Variants in C2CD5 observed in about 807,000 individuals in gnomAD.
C2CD5 encodes C2 domain-containing protein 5.
A neutral mutation model predicts 130.3 loss-of-function variants in C2CD5; 109 were observed. The ratio of observed to expected loss-of-function variants is 0.84; its 90% CI spans 0.72 to 0.98. The LOEUF is 0.98. Among genes scored for constraint, C2CD5 ranks in the 50% least tolerant of loss-of-function variants. The pLI, the probability that C2CD5 is intolerant of heterozygous loss-of-function variation, is 0.00. For missense variants in C2CD5, 996 were observed against 1,261.8 expected (o/e 0.79, Z 3.19); for synonymous variants, 454 against 429.2 (o/e 1.06, Z -0.71).
chr12:22,518,252 C>A, intron 7 of C2CD5, 115 bp from the exon 8 acceptor site: 1 of 955,338 alleles, frequency 1.0e-6, no homozygotes, highest in Non-Finnish European at 1.7e-6. Flanking sequence ...TCATTTCTTA[C>A]GTGTGGAGCT....
At chr12:22,538,219 C>T (rs1377321454) in intron 2 of C2CD5, among the ~76,000 whole-genome samples, 1 of 152,170 alleles carries the variant, frequency 6.6e-6, no homozygotes, top group Non-Finnish European at 1.5e-5. Flanking sequence ...GCATAAGCCA[C>T]ATTCATCTCT....
intron 2 of C2CD5, among the ~76,000 whole-genome samples, chr12:22,536,366 A>T (rs1395799376): frequency 6.6e-6 from 1 of 152,214 alleles, no homozygotes; most frequent in South Asian, 2.1e-4. Context: ...AAAATTCAAA[A>T]ACATCAAAAA....
At chr12:22,484,098 C>A (rs1945119197) in intron 13 of C2CD5, among the ~76,000 whole-genome samples, 1 of 152,028 alleles carries the variant, frequency 6.6e-6, no homozygotes, top group Non-Finnish European at 1.5e-5. Context: ...GAAGATTATA[C>A]ATAAAGGTAG....
At chr12:22,453,245 C>T (rs1939086600) in intron 26 of C2CD5, among the ~76,000 whole-genome samples, 1 of 152,114 alleles carries the variant, frequency 6.6e-6, no homozygotes. Context: ...CAGCCACATA[C>T]AGCTTCATGC....
At chr12:22,473,425 G>A (rs1455179099) in intron 16 of C2CD5, among the ~76,000 whole-genome samples, 1 of 151,996 alleles carries the variant, frequency 6.6e-6, no homozygotes, top group East Asian at 1.9e-4. Flanking sequence ...TCCACTTCAC[G>A]TGGCTACCCA....
In C2CD5 at chr12:22,482,751, G is replaced by A; in HGVS notation, c.1551-8C>T. 3 of 1,607,912 alleles carry A rather than the reference G, an allele frequency of 1.9e-6. No homozygotes were observed. The highest frequency in any genetic ancestry group is 2.6e-6 in the Non-Finnish European group (3 of 1,175,302). ...TTTTTTAAGCGACATAACCTGTAAA[G>A]GAAAATAAGTCAGTGAACAGTATTC... On this transcript the variant is annotated splice_polypyrimidine_tract_variant and splice_region_variant and intron_variant, in intron 13 of 26. Transcript: ENST00000446597.
chr12:22,497,907 TACACAC>T (rs3063916), intron 10 of C2CD5, among the ~76,000 whole-genome samples: 3,588 of 145,710 alleles, frequency 0.025, 131 homozygotes, highest in African/African-American at 0.077. Context: ...TGCACACACA[TACACAC>T]ACACACACAC....
In C2CD5 at chr12:22,535,345, C is replaced by A; in HGVS notation, c.91-1G>T. 6.7e-7 allele frequency: 1 copy of A among 1,501,604 alleles called. No individual in the cohort carries two copies. 93.0% of individuals were successfully genotyped at this position (1,501,604 alleles called of 1,614,324 possible). A position where few individuals can be genotyped will look rare whatever the true frequency, so the allele number is the denominator to read the frequency against. ...TAAAGGTGGTATTACCAAATTTTAC[C>A]TAAAAACAAATAAGAAATTATTCAC... On this transcript the variant is annotated splice_acceptor_variant, in intron 2 of 26. Transcript: ENST00000446597. LOFTEE classifies it high-confidence loss of function.
At chr12:22,472,497 T>C in intron 17 of C2CD5, 150 bp from the exon 18 acceptor site, 2 of 616,586 alleles carry the variant, frequency 3.2e-6, no homozygotes, top group South Asian at 2.2e-5. Context: ...CTTTAAACCA[T>C]CCTAATAAAT....
At chr12:22,496,834 T>C (rs1473159062) in intron 10 of C2CD5, among the ~76,000 whole-genome samples, 1 of 152,018 alleles carries the variant, frequency 6.6e-6, no homozygotes, top group African/African-American at 2.4e-5. Context: ...AAATCAATCC[T>C]CACTGATGTC....
At chr12:22,535,699 T>C (rs1951755700) in intron 2 of C2CD5, among the ~76,000 whole-genome samples, 4 of 152,254 alleles carry the variant, frequency 2.6e-5, no homozygotes, top group Non-Finnish European at 4.4e-5. Context: ...CAGCTGTCTT[T>C]AACCACATCA....
chr12:22,506,977 A>ACGCCTGTAATCCCAGCACTT, intron 9 of C2CD5, 158 bp from the exon 10 acceptor site: 1 of 551,902 alleles, frequency 1.8e-6, no homozygotes, highest in Non-Finnish European at 3.2e-6. Flanking sequence ...GTTTAATTAA[A>ACGCCTGTAATCCCAGCACTT]TGTTTAGAGT....
chr12:22,485,132 T>C (rs1370641074), intron 12 of C2CD5, among the ~76,000 whole-genome samples: 5 of 152,112 alleles, frequency 3.3e-5, no homozygotes, highest in Non-Finnish European at 7.4e-5. Context: ...ACCAATTTAT[T>C]TGTTTGATGA....
intron 14 of C2CD5, among the ~76,000 whole-genome samples, chr12:22,479,478 C>T (rs73076613): frequency 4.5e-4 from 69 of 152,170 alleles, no homozygotes; most frequent in Non-Finnish European, 7.1e-4. Flanking sequence ...GATGCTCTAT[C>T]TTTAAAGGTG....
At chr12:22,535,388 G>A (rs1418844714) in intron 2 of C2CD5, 44 bp from the exon 3 acceptor site, 3 of 1,013,814 alleles carry the variant, frequency 3.0e-6, no homozygotes, top group Non-Finnish European at 4.6e-6. Context: ...TATCAAAAAT[G>A]TGAATAAAAG....
At chr12:22,534,056 C>T (rs967153781) in intron 3 of C2CD5, among the ~76,000 whole-genome samples, 2 of 152,104 alleles carry the variant, frequency 1.3e-5, no homozygotes, top group Non-Finnish European at 2.9e-5. Flanking sequence ...GGCATGATGG[C>T]GCATGCCTGT....
At chr12:22,473,295 G>A (rs1326722249) in intron 16 of C2CD5, among the ~76,000 whole-genome samples, 1 of 151,926 alleles carries the variant, frequency 6.6e-6, no homozygotes, top group African/African-American at 2.4e-5. Context: ...AATAAATAGG[G>A]AAACTATCCA....
chr12:22,481,798 ATT>A (rs762273958), intron 14 of C2CD5, among the ~76,000 whole-genome samples: 19 of 93,144 alleles, frequency 2.0e-4, no homozygotes, highest in East Asian at 1.8e-3. Flanking sequence ...CACCTGGTGT[ATT>A]TTTTTTTTTT....
chr12:22,460,316 T>G (rs1254305784), intron 22 of C2CD5, among the ~76,000 whole-genome samples: 3 of 152,222 alleles, frequency 2.0e-5, no homozygotes, highest in Non-Finnish European at 4.4e-5. Context: ...TTGAAAGAAT[T>G]TTACAACTAA....
Sources: allele counts gnomAD v4.1 joint callset (sites outside exome capture counted in the v4.1 genomes callset), GRCh38; gene constraint gnomAD v4.1.1; transcripts MANE v1.5; gene names NCBI Gene and HGNC (gene_info 2026-07-23, HGNC 2026-07-21).